LRRC40: variants seen among roughly 807,000 people sequenced by gnomAD.
The protein encoded by LRRC40 is leucine rich repeat containing 40.
Under a neutral mutation model 72.8 loss-of-function variants are expected in LRRC40, and 76 were observed. That is an observed-to-expected ratio of 1.04 (90% CI 0.87 to 1.26). The LOEUF (loss-of-function observed/expected upper bound fraction) is 1.26. LRRC40 is among the 50% of genes most tolerant of loss of function. The probability of loss-of-function intolerance (pLI) is 0.00; values close to 1 mark genes in which losing one functional copy is unlikely to be tolerated. For missense variants in LRRC40, 684 were observed against 698.9 expected (o/e 0.98, Z 0.24); for synonymous variants, 243 against 254.2 (o/e 0.96, Z 0.42).
At chr1:70,155,209 A>C (rs1667610639) in intron 11 of LRRC40, among the ~76,000 whole-genome samples, 2 of 152,272 alleles carry the variant, frequency 1.3e-5, no homozygotes, top group South Asian at 4.1e-4. Flanking sequence ...TAGGAGAAAA[A>C]TATTAACAGG....
rs553853037 is a variant in LRRC40 at position 70,145,561 on chromosome 1, G to A, written c.*239C>T. On this transcript the variant is annotated 3_prime_UTR_variant, in exon 15 of 15. Transcript: ENST00000370952. ...TAGAACAAATGTATGAACACATTGT[G>A]GTTATCACCATTACAAATGTATACA... 10 of 294,564 alleles carry A rather than the reference G, an allele frequency of 3.4e-5. No individual in the cohort carries two copies. The highest frequency in any genetic ancestry group is 2.2e-4 in the African/African-American group (10 of 46,210). The allele number at this position is 294,564 out of a possible 1,614,324, so 18.2% of individuals were successfully genotyped here.
intron 6 of LRRC40, 132 bp downstream of exon 6, chr1:70,178,719 T>C: frequency 2.3e-6 from 1 of 439,622 alleles, no homozygotes; most frequent in Non-Finnish European, 4.0e-6. Flanking sequence ...TGAAAAGTAT[T>C]AACATAGGAA....
intron 3 of LRRC40, among the ~76,000 whole-genome samples, chr1:70,185,539 A>G (rs565000949): frequency 4.9e-4 from 74 of 152,310 alleles, no homozygotes; most frequent in Non-Finnish European, 7.1e-4. Flanking sequence ...TGTAAGTCCA[A>G]TTAAACCTCT....
chr1:70,149,400 G>A (rs892472359), intron 13 of LRRC40, among the ~76,000 whole-genome samples: 1 of 152,190 alleles, frequency 6.6e-6, no homozygotes, highest in African/African-American at 2.4e-5. Context: ...ATAGTGAAGT[G>A]TAAACTCAAG....
intron 1 of LRRC40, among the ~76,000 whole-genome samples, chr1:70,191,672 G>C (rs900025331): frequency 6.6e-6 from 1 of 151,976 alleles, no homozygotes; most frequent in African/African-American, 2.4e-5. Context: ...TGTCACTGTT[G>C]CAACTGTCCC....
chr1:70,151,974 T>C (rs879718851), intron 12 of LRRC40: 1 of 152,460 alleles, frequency 6.6e-6, no homozygotes, highest in Admixed American at 6.5e-5. Context: ...TCAAGCCTAA[T>C]ATGTAAAGTC....
At chr1:70,181,777 C>T (rs1668252479) in intron 4 of LRRC40, among the ~76,000 whole-genome samples, 1 of 152,182 alleles carries the variant, frequency 6.6e-6, no homozygotes, top group African/African-American at 2.4e-5. Context: ...CTCTACTCTT[C>T]ATTCACTCAA....
intron 7 of LRRC40, among the ~76,000 whole-genome samples, chr1:70,175,023 G>A (rs1012564653): frequency 1.6e-4 from 24 of 152,032 alleles, no homozygotes; most frequent in Admixed American, 1.5e-3. Flanking sequence ...AGACACTGGT[G>A]GGGCTTTACA....
chr1:70,153,972 C>CA (rs1042976831), intron 11 of LRRC40, among the ~76,000 whole-genome samples: 2,294 of 56,436 alleles, frequency 0.041, 103 homozygotes, highest in African/African-American at 0.11. Flanking sequence ...GATCCTGTCT[C>CA]AAAAAAAAAA....
chr1:70,172,696 T>G (rs1668023708), intron 9 of LRRC40, among the ~76,000 whole-genome samples: 1 of 152,134 alleles, frequency 6.6e-6, no homozygotes, highest in South Asian at 2.1e-4. Context: ...TTTTAATAAT[T>G]CACTTGAAGG....
chr1:70,197,363 G>A (rs760269014), intron 1 of LRRC40, among the ~76,000 whole-genome samples: 20 of 151,846 alleles, frequency 1.3e-4, no homozygotes, highest in Middle Eastern at 3.4e-3. Flanking sequence ...CTGCAGCCTC[G>A]AACTCATGGC....
intron 10 of LRRC40, among the ~76,000 whole-genome samples, chr1:70,156,934 G>A (rs1269475493): frequency 1.3e-5 from 2 of 152,072 alleles, no homozygotes; most frequent in Non-Finnish European, 2.9e-5. Flanking sequence ...GTGAAACTGT[G>A]GATAAGCGGG....
chr1:70,171,825 G>A (rs1256648632), intron 9 of LRRC40, among the ~76,000 whole-genome samples: 6 of 152,052 alleles, frequency 3.9e-5, no homozygotes, highest in Non-Finnish European at 5.9e-5. Context: ...TCATATGATC[G>A]AGAAATATGT....
intron 10 of LRRC40, among the ~76,000 whole-genome samples, chr1:70,158,035 G>C (rs930693454): frequency 6.8e-6 from 1 of 146,928 alleles, no homozygotes; most frequent in Non-Finnish European, 1.5e-5. Flanking sequence ...AGGAGGTTGA[G>C]GTTACAGTGA....
intron 10 of LRRC40, among the ~76,000 whole-genome samples, chr1:70,157,578 G>C (rs375757827): frequency 1.4e-4 from 21 of 152,046 alleles, no homozygotes; most frequent in East Asian, 9.6e-4. Context: ...TATGTACCTA[G>C]TACAACACCC....
At chr1:70,201,448 C>T (rs1280378575) in intron 1 of LRRC40, among the ~76,000 whole-genome samples, 1 of 152,090 alleles carries the variant, frequency 6.6e-6, no homozygotes, top group African/African-American at 2.4e-5. Flanking sequence ...ACCAAAAAGC[C>T]ACCAGCCTAT....
chr1:70,169,375 A>C (rs542577993), intron 9 of LRRC40, among the ~76,000 whole-genome samples: 30 of 152,308 alleles, frequency 2.0e-4, no homozygotes, highest in South Asian at 6.2e-4. Context: ...TTCTTTAACC[A>C]CCCAGAACGC....
At chr1:70,197,576 G>GC (rs968937272) in intron 1 of LRRC40, among the ~76,000 whole-genome samples, 9 of 147,488 alleles carry the variant, frequency 6.1e-5, no homozygotes, top group Non-Finnish European at 1.3e-4. Context: ...ATCACACCTG[G>GC]CCCCCCCAAC....
chr1:70,189,845 G>GTTA (rs759749365), intron 1 of LRRC40, among the ~76,000 whole-genome samples: 3 of 152,166 alleles, frequency 2.0e-5, no homozygotes, highest in Non-Finnish European at 4.4e-5. Context: ...TTTGGCCAGG[G>GTTA]TTACAAAGCT....
Sources: allele counts gnomAD v4.1 joint callset (sites outside exome capture counted in the v4.1 genomes callset), GRCh38; gene constraint gnomAD v4.1.1; transcripts MANE v1.5; gene names NCBI Gene and HGNC (gene_info 2026-07-23, HGNC 2026-07-21).